The following ARHGAP8 variants were observed in gnomAD, a reference collection of about 807,000 sequenced individuals.
ARHGAP8 encodes the protein Rho GTPase activating protein 8.
ARHGAP8 carries 62 observed loss-of-function variants against 46.1 expected under a neutral mutation model. The observed-to-expected ratio is 1.34, with a 90% CI of 1.10 to 1.66. The LOEUF is 1.66. Among genes scored for constraint, ARHGAP8 ranks in the 40% most tolerant of loss-of-function variants. The pLI, the probability that ARHGAP8 is intolerant of heterozygous loss-of-function variation, is 0.00. For synonymous variants in ARHGAP8, 375 were observed against 243.1 expected, an observed-to-expected ratio of 1.54 and a Z score of -5.05; for missense variants, 923 against 568.4, an observed-to-expected ratio of 1.62 and a Z score of -6.34.
At chr22:44,842,211 G>T (rs1479450239) in intron 7 of ARHGAP8, among the ~76,000 whole-genome samples, 1 of 152,160 alleles carries the variant, frequency 6.6e-6, no homozygotes, top group Non-Finnish European at 1.5e-5. Flanking sequence ...ACAAAAATTA[G>T]CTGGGCATGG....
chr22:44,800,534 C>T (rs1001554264), intron 2 of ARHGAP8, among the ~76,000 whole-genome samples: 2 of 150,428 alleles, frequency 1.3e-5, no homozygotes, highest in Non-Finnish European at 3.0e-5. Flanking sequence ...GGGGGCACCC[C>T]TCCCCGCAGC....
intron 1 of ARHGAP8, among the ~76,000 whole-genome samples, chr22:44,769,707 G>T (rs1925855596): frequency 6.6e-6 from 1 of 151,954 alleles, no homozygotes; most frequent in African/African-American, 2.4e-5. Flanking sequence ...TGTAATTATT[G>T]GTGCTATTGT....
chr22:44,823,286 G>C (rs1178533608), intron 6 of ARHGAP8, among the ~76,000 whole-genome samples: 4 of 152,156 alleles, frequency 2.6e-5, no homozygotes, highest in African/African-American at 9.7e-5. Context: ...GAACCCAGCT[G>C]GGGAGGGGAC....
At chr22:44,840,049 G>A (rs2147149515) in intron 7 of ARHGAP8, among the ~76,000 whole-genome samples, 1 of 152,320 alleles carries the variant, frequency 6.6e-6, no homozygotes, top group Non-Finnish European at 1.5e-5. Context: ...CACGGTAGCT[G>A]TGCTTCTTCC....
intron 1 of ARHGAP8, among the ~76,000 whole-genome samples, chr22:44,780,254 G>A (rs528909089): frequency 6.6e-6 from 1 of 152,232 alleles, no homozygotes; most frequent in Admixed American, 6.5e-5. Context: ...CTACTCAGGA[G>A]GCTGAGGCAA....
intron 10 of ARHGAP8, 184 bp from the exon 11 acceptor site, chr22:44,859,547 C>T: frequency 1.6e-6 from 1 of 621,576 alleles, no homozygotes. Context: ...GCAAGAATAG[C>T]CAAACACACA....
chr22:44,830,821 G>C (rs1486172794), intron 7 of ARHGAP8, among the ~76,000 whole-genome samples: 2 of 152,220 alleles, frequency 1.3e-5, no homozygotes, highest in Admixed American at 6.5e-5. Context: ...TTACAGGCGT[G>C]AGCCACCGCG....
At chr22:44,768,008 TTTTTTTTG>T (rs1301961196) in intron 1 of ARHGAP8, among the ~76,000 whole-genome samples, 1 of 112,684 alleles carries the variant, frequency 8.9e-6, no homozygotes, top group African/African-American at 3.3e-5. Flanking sequence ...TTTTTTTTTT[TTTTTTTTG>T]TGAGACAGAG....
chr22:44,830,948 T>G (rs1353013548), intron 7 of ARHGAP8, among the ~76,000 whole-genome samples: 1 of 152,248 alleles, frequency 6.6e-6, no homozygotes. Context: ...TTTCATGTAT[T>G]ATCGGCCATT....
intron 1 of ARHGAP8, among the ~76,000 whole-genome samples, chr22:44,780,914 A>C (rs1260900777): frequency 6.6e-6 from 1 of 152,138 alleles, no homozygotes; most frequent in Non-Finnish European, 1.5e-5. Context: ...TTTTACAGAA[A>C]AATAAACTGA....
At chr22:44,833,096 C>CTTTTCTTTTTT (rs535842585) in intron 7 of ARHGAP8, among the ~76,000 whole-genome samples, 5 of 120,434 alleles carry the variant, frequency 4.2e-5, no homozygotes, top group South Asian at 2.8e-4. Context: ...CTTTTCTTTT[C>CTTTTCTTTTTT]TTTTTTTTTT....
chr22:44,823,731 T>C (rs1930315767), intron 6 of ARHGAP8, among the ~76,000 whole-genome samples: 1 of 152,078 alleles, frequency 6.6e-6, no homozygotes, highest in Non-Finnish European at 1.5e-5. Context: ...AAAGGGTAAC[T>C]CACATCCTCC....
intron 7 of ARHGAP8, among the ~76,000 whole-genome samples, chr22:44,828,995 G>A (rs1016491156): frequency 4.0e-5 from 6 of 151,668 alleles, no homozygotes; most frequent in Non-Finnish European, 5.9e-5. Flanking sequence ...AACAAAGCCC[G>A]GGTGCGGTGG....
At position 44,862,218 on chromosome 22, in the gene ARHGAP8, C is replaced by T. The variant is rs867495798; in HGVS notation, c.982-57C>T. The stretch of plus-strand genomic sequence containing the variant: ...TCTCCCTAAGTTCGGGAGGGAGTTC[C>T]AGGTGCCCGTGCCCCTTGGTGTTCA... On this transcript the variant is annotated intron_variant, in intron 11 of 11. Transcript: ENST00000356099. 19 of 1,533,142 alleles carry T rather than the reference C, an allele frequency of 1.2e-5. No individual in the cohort carries two copies. The Middle Eastern group carries it at 7.1e-4, about 58-fold the overall frequency. The allele number at this position is 1,533,142 out of a possible 1,614,324, so 95.0% of individuals were successfully genotyped here.
chr22:44,849,253 T>A, intron 10 of ARHGAP8, 193 bp downstream of exon 10: 1 of 1,086,050 alleles, frequency 9.2e-7, no homozygotes, highest in South Asian at 1.6e-5. Context: ...GTCCACACTG[T>A]CCAAAGGCAG....
rs571653851 is a variant in ARHGAP8 at position 44,760,364 on chromosome 22, T to C, written c.-72+7737T>C. ...CCATGAGCAAGATCTCCTGCCCCCA[T>C]CATTCCTGGACTTTCCCAGGAGTCG... On this transcript the variant is annotated intron_variant, in intron 1 of 11. Coordinates refer to ENST00000356099, the MANE Select transcript of ARHGAP8 (RefSeq NM_181335.3). Among the ~76,000 whole-genome samples, 102 of 152,286 alleles carry C rather than the reference T, an allele frequency of 6.7e-4. 1 individual carries two copies. Among genetic ancestry groups the C allele is most frequent in the Middle Eastern group, 3.4e-3 (1 of 294 alleles).
chr22:44,830,456 G>C (rs987118766), intron 7 of ARHGAP8, among the ~76,000 whole-genome samples: 2 of 151,976 alleles, frequency 1.3e-5, no homozygotes, highest in Admixed American at 6.6e-5. Context: ...TCAGCCTCCT[G>C]AGTAGCTGGG....
chr22:44,766,403 C>T lies in ARHGAP8; in HGVS notation c.-72+13776C>T, dbSNP rs1481490866. Among the ~76,000 whole-genome samples, 5 of 151,490 alleles carry T rather than the reference C, an allele frequency of 3.3e-5. 1 individual carries two copies. The highest frequency in any genetic ancestry group is 2.0e-4 in the Admixed American group (3 of 15,180). On this transcript the variant is annotated intron_variant, in intron 1 of 11. Coordinates refer to ENST00000356099, the MANE Select transcript of ARHGAP8 (RefSeq NM_181335.3). ...GGAGGAGTCAGAGTGTGTGTGGGCA[C>T]GTGTGTGTGTGCATGTCTGTGCACA...
intron 5 of ARHGAP8, among the ~76,000 whole-genome samples, chr22:44,818,981 G>A (rs376695124): frequency 3.9e-5 from 6 of 152,156 alleles, no homozygotes; most frequent in East Asian, 3.9e-4. Context: ...TTATAGGAGC[G>A]CACCATGTTG....
Sources: gnomAD v4.1 joint callset for allele counts (sites outside exome capture counted in the v4.1 genomes callset) on GRCh38, gnomAD v4.1.1 for gene constraint, MANE v1.5 for transcripts, NCBI Gene and HGNC (gene_info 2026-07-23, HGNC 2026-07-21) for gene names.